Variants in GPR180 observed in about 807,000 individuals in gnomAD.
GPR180 encodes the protein integral membrane protein GPR180.
GPR180 carries 53 observed loss-of-function variants against 52.6 expected under a neutral mutation model. That is an observed-to-expected ratio of 1.01 (90% CI 0.81 to 1.27). GPR180 has a LOEUF of 1.27. Ranked by LOEUF, GPR180 falls within the 50% of genes most tolerant of loss-of-function variation. The probability of loss-of-function intolerance (pLI) is 0.00; values close to 1 mark genes in which losing one functional copy is unlikely to be tolerated. For missense variants in GPR180, 533 were observed against 527.0 expected (o/e 1.01, Z -0.11); for synonymous variants, 200 against 193.1 (o/e 1.04, Z -0.30).
chr13:94,611,042 T>G (rs928901499), intron 2 of GPR180, among the ~76,000 whole-genome samples: 1 of 152,212 alleles, frequency 6.6e-6, no homozygotes, highest in Non-Finnish European at 1.5e-5. Context: ...GTAGGTAGTA[T>G]CTTCATTTTA....
chr13:94,612,049 T>C (rs886764303), intron 2 of GPR180, 141 bp from the exon 3 acceptor site: 2 of 632,794 alleles, frequency 3.2e-6, no homozygotes, highest in Admixed American at 3.0e-5. Context: ...ACAAGACTTA[T>C]TCCAAATACT....
chr13:94,617,812 A>G (rs1338190160), intron 3 of GPR180, among the ~76,000 whole-genome samples: 3 of 152,224 alleles, frequency 2.0e-5, no homozygotes, highest in Admixed American at 6.5e-5. Context: ...AGACTCAATT[A>G]AGACAGCTCT....
In GPR180 at chr13:94,623,253, G is replaced by A. The variant is rs1889875959; in HGVS notation, c.1039G>A (p.Val347Met). ...LGCGLYQIITVERSTLKREFY... is the reference protein window; with the variant it reads ...LGCGLYQIITMERSTLKREFY... Reference sequence around the variant, plus strand: ...CTGTGGACTCTATCAGATCATCACAGTGGAGAGAAGTACACTCAAAAGGGA... The same window carrying A: ...CTGTGGACTCTATCAGATCATCACAATGGAGAGAAGTACACTCAAAAGGGA... The change falls in exon 7 of 9, where the codon GTG becomes ATG. Residue 347 changes from valine to methionine, a missense_variant. Val to Met is a conservative substitution (Grantham distance 21, BLOSUM62 1). Transcript: ENST00000376958. The A allele has an allele frequency of 6.2e-7, 1 of 1,613,878 alleles. No individual in the cohort carries two copies.
chr13:94,613,687 A>C (rs1213454755), intron 3 of GPR180, among the ~76,000 whole-genome samples: 1 of 152,194 alleles, frequency 6.6e-6, no homozygotes, highest in Non-Finnish European at 1.5e-5. Flanking sequence ...TGTAAAGGTT[A>C]AATTTCATTA....
Position 94,619,245 on chromosome 13 carries a change from C to G in GPR180, c.601C>G (p.Pro201Ala), listed in dbSNP as rs768158941. 1.2e-6 allele frequency: 2 copies of G among 1,613,978 alleles called. No homozygotes were observed. The highest frequency in any genetic ancestry group is 2.7e-5 in the African/African-American group (2 of 74,904). The change falls in exon 4 of 9, where the codon CCC (proline) becomes GCC (alanine). Residue 201 changes from proline (P) to alanine (A), a missense_variant. Coordinates refer to ENST00000376958, the MANE Select transcript of GPR180 (RefSeq NM_180989.6). The part of the protein sequence containing the change: ...SLWQAIKKGG[P>A]MHMILKVLTT... ...GTGGCAGGCTATTAAGAAAGGCGGA[C>G]CCATGCACATGATTTTAAAGGTTCT... is the stretch of plus-strand genomic sequence containing the variant.
At position 94,612,245 on chromosome 13, in the gene GPR180, A is replaced by G; in HGVS notation, c.360A>G (p.Gln120=). 1.2e-6 allele frequency: 2 copies of G among 1,614,134 alleles called. No individual in the cohort carries two copies. The highest frequency in any genetic ancestry group is 1.1e-5 in the South Asian group (1 of 91,084). Residue 120 remains glutamine (Q), a synonymous_variant, in exon 3 of 9, where the codon CAA becomes CAG. Transcript: ENST00000376958. ...CAGTGTCCCAGATTCCGTCTCCACA[A>G]ACGTGGCATGTGTTTTATGCAGACA... ...NLTVSQIPSP[Q]TWHVFYADKY... is the part of the protein sequence containing the mutation.
intron 2 of GPR180, among the ~76,000 whole-genome samples, chr13:94,605,872 TA>T (rs1889623429): frequency 2.6e-5 from 4 of 152,284 alleles, no homozygotes; most frequent in African/African-American, 9.6e-5. Context: ...TGTTGAATGC[TA>T]ATTATCTGCC....
chr13:94,613,840 TG>T (rs1353755977), intron 3 of GPR180, among the ~76,000 whole-genome samples: 5 of 151,872 alleles, frequency 3.3e-5, no homozygotes, highest in Non-Finnish European at 5.9e-5. Context: ...ATTGAATGGA[TG>T]GTTGGACTAA....
At chr13:94,619,364 T>C in intron 4 of GPR180, 34 bp downstream of exon 4, 1 of 1,607,788 alleles carries the variant, frequency 6.2e-7, no homozygotes, top group Non-Finnish European at 8.5e-7. Flanking sequence ...TGTTCATCAT[T>C]ACATCTAATT....
In GPR180 at chr13:94,632,478, A is replaced by G. The variant is rs529845144; in HGVS notation, c.*5307A>G. 6.6e-6 allele frequency: 1 copy of G among 152,348 alleles called. No homozygotes were observed. Among genetic ancestry groups the G allele is most frequent in the East Asian group, 1.9e-4 (1 of 5,182 alleles). 9.4% of individuals were successfully genotyped at this position (152,348 alleles called of 1,614,324 possible). On this transcript the variant is annotated 3_prime_UTR_variant, in exon 9 of 9. Transcript: ENST00000376958. ...TTGTCCCATTTTTTTCACCAATTGCATAGAACTCCATTATATGGATGTATT... is the reference window on the plus strand; with the variant it reads ...TTGTCCCATTTTTTTCACCAATTGCGTAGAACTCCATTATATGGATGTATT...
chr13:94,623,107 A>T lies in GPR180; in HGVS notation c.895-2A>T, dbSNP rs755550483. 1 of 1,600,476 alleles carries T rather than the reference A, an allele frequency of 6.2e-7. No homozygotes were observed. Among genetic ancestry groups the T allele is most frequent in the Non-Finnish European group, 8.5e-7 (1 of 1,172,722 alleles). Reference sequence around the variant, plus strand: ...AAATGTAATATTGTTTTTCTTTTGCAGAGTGTTTTGCTACTTTGGGAACAG... The same window carrying T: ...AAATGTAATATTGTTTTTCTTTTGCTGAGTGTTTTGCTACTTTGGGAACAG... On this transcript the variant is annotated splice_acceptor_variant, in intron 6 of 8. Transcript: ENST00000376958. LOFTEE classifies it high-confidence loss of function.
chr13:94,621,262 C>G (rs760989872), intron 6 of GPR180, 27 bp downstream of exon 6: 1 of 1,506,174 alleles, frequency 6.6e-7, no homozygotes, highest in Non-Finnish European at 8.9e-7. Context: ...AGTGTTTCTG[C>G]TTAGTAATCC....
At chr13:94,619,400 T>C in intron 4 of GPR180, 68 bp from the exon 5 acceptor site, 2 of 1,601,552 alleles carry the variant, frequency 1.2e-6, no homozygotes, top group Admixed American at 1.7e-5. Flanking sequence ...ACCAAAATTA[T>C]GCTTGCTTTG....
chr13:94,608,146 T>G (rs577210943), intron 2 of GPR180, among the ~76,000 whole-genome samples: 43 of 152,294 alleles, frequency 2.8e-4, no homozygotes, highest in African/African-American at 1.0e-3. Context: ...AGGGAGACAG[T>G]GTGGTGCAAT....
At chr13:94,620,779 A>C (rs949968242) in intron 5 of GPR180, among the ~76,000 whole-genome samples, 1 of 152,170 alleles carries the variant, frequency 6.6e-6, no homozygotes, top group Non-Finnish European at 1.5e-5. Context: ...GAAAAATGGG[A>C]AACGAAAAGA....
rs570807308 is a variant in GPR180, at chr13:94,618,420, A to ATTTTTTT, written c.506-713_506-707dup. Among the ~76,000 whole-genome samples, 202 of 87,120 alleles carry ATTTTTTT rather than the reference A, an allele frequency of 2.3e-3. 30 individuals carry two copies. The highest frequency in any genetic ancestry group is 0.011 in the African/African-American group (177 of 15,816). 57.2% of individuals were successfully genotyped at this position (87,120 alleles called of 152,430 possible). A position where few individuals can be genotyped will look rare whatever the true frequency, so the allele number is the denominator to read the frequency against. On this transcript the variant is annotated intron_variant, in intron 3 of 8. Coordinates refer to ENST00000376958, the MANE Select transcript of GPR180 (RefSeq NM_180989.6). ...CATGGAGTCGCATGATCAGCACAGG[A>ATTTTTTT]TTTTTTTTTTTTTTTTTTTTTTTGG...
At chr13:94,606,972 T>C (rs911873649) in intron 2 of GPR180, among the ~76,000 whole-genome samples, 2 of 152,234 alleles carry the variant, frequency 1.3e-5, no homozygotes, top group South Asian at 2.1e-4. Context: ...GTTGCACATA[T>C]GTGTAAAAGG....
rs2138572114 is a variant in GPR180, at chr13:94,627,700, A to G, written c.*529A>G. On this transcript the variant is annotated 3_prime_UTR_variant, in exon 9 of 9. Coordinates refer to ENST00000376958, the MANE Select transcript of GPR180 (RefSeq NM_180989.6). ...GGAAATGAATATAAAATAGGTTCAC[A>G]GTTAAATGAATAAGCTTTTGTTTAT... The G allele has an allele frequency of 6.6e-6, 1 of 152,388 alleles. No individual in the cohort carries two copies. The highest frequency in any genetic ancestry group is 1.9e-4 in the East Asian group (1 of 5,204). The allele number at this position is 152,388 out of a possible 1,614,324, so 9.4% of individuals were successfully genotyped here. A position where few individuals can be genotyped will look rare whatever the true frequency, so the allele number is the denominator to read the frequency against.
At chr13:94,621,860 A>C (rs984103600) in intron 6 of GPR180, among the ~76,000 whole-genome samples, 6 of 152,106 alleles carry the variant, frequency 3.9e-5, no homozygotes, top group Admixed American at 1.3e-4. Flanking sequence ...GCCTATGTTC[A>C]ATGGATTTGT....
Sources: allele counts gnomAD v4.1 joint callset (sites outside exome capture counted in the v4.1 genomes callset), GRCh38; gene constraint gnomAD v4.1.1; transcripts MANE v1.5; gene names NCBI Gene and HGNC (gene_info 2026-07-23, HGNC 2026-07-21).